The following EPB41L5 variants were observed in gnomAD, a reference collection of about 807,000 sequenced individuals.
EPB41L5 encodes erythrocyte membrane protein band 4.1 like 5, also known as band 4.1-like protein 5.
EPB41L5 carries 55 observed loss-of-function variants against 106.6 expected under a neutral mutation model. That is an observed-to-expected ratio of 0.52 (90% confidence interval 0.42 to 0.65). The LOEUF (loss-of-function observed/expected upper bound fraction) is 0.65, where lower values mean the gene tolerates loss of function less well. EPB41L5 is among the 30% of genes least tolerant of loss of function. The pLI is 0.00. For synonymous variants in EPB41L5, 297 were observed against 306.7 expected (o/e 0.97, Z 0.33); for missense variants, 871 against 882.1 (o/e 0.99, Z 0.16).
At chr2:120,052,567 G>A (rs1255392328) in intron 3 of EPB41L5, among the ~76,000 whole-genome samples, 1 of 152,068 alleles carries the variant, frequency 6.6e-6, no homozygotes, top group African/African-American at 2.4e-5. Flanking sequence ...AATTCAATGG[G>A]TTATATCTGT....
At chr2:120,089,050 A>G (rs1171760033) in intron 11 of EPB41L5, among the ~76,000 whole-genome samples, 1 of 152,164 alleles carries the variant, frequency 6.6e-6, no homozygotes, top group Non-Finnish European at 1.5e-5. Context: ...TTTAGATGAC[A>G]TATAATAATT....
At chr2:120,104,160 G>A (rs1305843443) in intron 16 of EPB41L5, 1 of 1,536,016 alleles carries the variant, frequency 6.5e-7, no homozygotes, top group Non-Finnish European at 8.7e-7. Context: ...CACTGACTTT[G>A]TTCATGAGCA....
At chr2:120,078,623 G>A in intron 10 of EPB41L5, 42 bp downstream of exon 10, 1 of 1,366,948 alleles carries the variant, frequency 7.3e-7, no homozygotes, top group East Asian at 2.3e-5. Flanking sequence ...TGTTGTTTTG[G>A]TTTTTAATGA....
intron 2 of EPB41L5, among the ~76,000 whole-genome samples, chr2:120,033,680 C>T (rs1678862498): frequency 7.1e-6 from 1 of 141,756 alleles, no homozygotes; most frequent in Non-Finnish European, 1.5e-5. Flanking sequence ...TGCACTCCAG[C>T]CCAGGCAACA....
chr2:120,051,202 G>A (rs1050217862), intron 3 of EPB41L5, among the ~76,000 whole-genome samples: 2 of 152,202 alleles, frequency 1.3e-5, no homozygotes, highest in African/African-American at 4.8e-5. Context: ...GGACATTTAA[G>A]TCTGCAGAAG....
chr2:120,140,505 A>G (rs1408031977), intron 18 of EPB41L5, among the ~76,000 whole-genome samples: 1 of 152,014 alleles, frequency 6.6e-6, no homozygotes, highest in Non-Finnish European at 1.5e-5. Flanking sequence ...AATAAAGGAC[A>G]TGTGACTACC....
chr2:120,123,194 G>C (rs142561889), intron 16 of EPB41L5, among the ~76,000 whole-genome samples: 2 of 151,842 alleles, frequency 1.3e-5, no homozygotes, highest in African/African-American at 2.4e-5. Context: ...CTTGTAAATA[G>C]AACTTTTTCA....
At chr2:120,161,041 C>A (rs994103885) in intron 21 of EPB41L5, 67 bp downstream of exon 21, 5 of 1,107,394 alleles carry the variant, frequency 4.5e-6, no homozygotes, top group African/African-American at 1.5e-5. Flanking sequence ...TGCAGTATAA[C>A]CAAGGGCATC....
At chr2:120,067,483 C>T (rs888096073) in intron 3 of EPB41L5, among the ~76,000 whole-genome samples, 2 of 152,196 alleles carry the variant, frequency 1.3e-5, no homozygotes, top group Admixed American at 6.5e-5. Context: ...TGTGTGTGTC[C>T]TGTCACTGTT....
intron 16 of EPB41L5, among the ~76,000 whole-genome samples, chr2:120,119,917 C>G (rs1408693409): frequency 6.6e-6 from 1 of 152,040 alleles, no homozygotes; most frequent in African/African-American, 2.4e-5. Flanking sequence ...AGCTCAAAGA[C>G]AATAAAAAGC....
intron 10 of EPB41L5, among the ~76,000 whole-genome samples, chr2:120,080,729 G>A (rs187848645): frequency 6.6e-6 from 1 of 152,206 alleles, no homozygotes; most frequent in East Asian, 1.9e-4. Context: ...CACCAACAGT[G>A]CAAAAGTGTT....
intron 16 of EPB41L5, among the ~76,000 whole-genome samples, chr2:120,110,888 C>T (rs747380327): frequency 6.6e-6 from 1 of 152,040 alleles, no homozygotes. Context: ...CTGATCTGCC[C>T]GCCTTGGCCT....
chr2:120,079,506 C>CTGG (rs1335870528), intron 10 of EPB41L5, among the ~76,000 whole-genome samples: 1 of 152,268 alleles, frequency 6.6e-6, no homozygotes, highest in East Asian at 1.9e-4. Flanking sequence ...TCCTCCCCAT[C>CTGG]TGGTGGTAGC....
In EPB41L5 at chr2:120,143,050, G is replaced by T. The variant is rs775945130; in HGVS notation, c.1647G>T (p.Glu549Asp). Residue 549 changes from glutamate to aspartate, a missense_variant, in exon 19 of 25, where the codon GAG becomes GAT. Physicochemically the swap from Glu to Asp is conservative, Grantham distance 45 (BLOSUM62 2). Transcript: ENST00000263713. ...LTEKCLNNVI[E>D]SPGLNVMRVP... ...AGAAATGCCTTAATAATGTCATTGA[G>T]AGCCCAGGATTGAATGTCATGAGAG... The T allele has an allele frequency of 1.2e-6, 2 of 1,613,080 alleles. No individual in the cohort carries two copies. The highest frequency in any genetic ancestry group is 2.2e-5 in the East Asian group (1 of 44,844).
intron 10 of EPB41L5, among the ~76,000 whole-genome samples, chr2:120,083,401 G>T (rs964789974): frequency 1.3e-5 from 2 of 152,116 alleles, no homozygotes; most frequent in African/African-American, 4.8e-5. Flanking sequence ...CATTTTCCAT[G>T]TAGTTGAGTG....
At chr2:120,094,944 C>CT (rs1482607511) in intron 14 of EPB41L5, among the ~76,000 whole-genome samples, 1 of 152,010 alleles carries the variant, frequency 6.6e-6, no homozygotes, top group Non-Finnish European at 1.5e-5. Context: ...CTTATTGAGA[C>CT]TTTTTTTATG....
intron 3 of EPB41L5, among the ~76,000 whole-genome samples, chr2:120,042,347 G>A (rs1201140102): frequency 6.6e-6 from 1 of 152,180 alleles, no homozygotes; most frequent in Non-Finnish European, 1.5e-5. Flanking sequence ...TTTTCAGGAT[G>A]GGGCTCCAGA....
At chr2:120,108,716 C>A (rs1185895683) in intron 16 of EPB41L5, among the ~76,000 whole-genome samples, 1 of 152,072 alleles carries the variant, frequency 6.6e-6, no homozygotes, top group African/African-American at 2.4e-5. Flanking sequence ...GTATTTGTAG[C>A]CCCACCAATA....
At chr2:120,151,056 C>G (rs913831687) in intron 20 of EPB41L5, among the ~76,000 whole-genome samples, 2 of 152,212 alleles carry the variant, frequency 1.3e-5, no homozygotes, top group Admixed American at 1.3e-4. Context: ...GGCATGGTGG[C>G]TTATGCCTGT....
Sources: gnomAD v4.1 joint callset for allele counts (sites outside exome capture counted in the v4.1 genomes callset) on GRCh38, gnomAD v4.1.1 for gene constraint, MANE v1.5 for transcripts, NCBI Gene and HGNC (gene_info 2026-07-23, HGNC 2026-07-21) for gene names.